AFF2: variants seen among roughly 807,000 people sequenced by gnomAD.
AFF2 encodes the protein AF4/FMR2 family member 2.
A neutral mutation model predicts 76.9 loss-of-function variants in AFF2; 14 were observed. That is an observed-to-expected ratio of 0.18 (90% CI 0.12 to 0.28). The LOEUF is 0.28. AFF2 is among the 10% of genes least tolerant of loss of function. AFF2 has a pLI of 1.00. For synonymous variants in AFF2, 398 were observed against 366.7 expected, an observed-to-expected ratio of 1.09 and a Z score of -0.98; for missense variants, 868 against 1,001.1, an observed-to-expected ratio of 0.87 and a Z score of 1.79.
chrX:148,908,885 G>A (rs1050277953), intron 9 of AFF2, among the ~76,000 whole-genome samples: 1 of 112,144 alleles, frequency 8.9e-6, no homozygotes, highest in East Asian at 2.8e-4. Context: ...TTTCCATATT[G>A]TCTGTGGCTG....
At chrX:148,679,731 A>G (rs1291766442) in intron 3 of AFF2, among the ~76,000 whole-genome samples, 2 of 111,675 alleles carry the variant, frequency 1.8e-5, no homozygotes, top group African/African-American at 6.5e-5. Context: ...CTGTTGAGGC[A>G]TTAGTGATGC....
At chrX:148,799,799 G>T (rs1292928422) in intron 3 of AFF2, among the ~76,000 whole-genome samples, 1 of 111,848 alleles carries the variant, frequency 8.9e-6, no homozygotes, top group Non-Finnish European at 1.9e-5. Context: ...TTAGCATAGC[G>T]CCTCATTAAT....
chrX:148,585,509 A>G (rs1027640187), intron 1 of AFF2, among the ~76,000 whole-genome samples: 36 of 111,668 alleles, frequency 3.2e-4, no homozygotes, highest in African/African-American at 1.1e-3. Flanking sequence ...TTATCATGCA[A>G]AAGCATGAGG....
At chrX:148,528,917 A>G (rs1481371666) in intron 1 of AFF2, among the ~76,000 whole-genome samples, 2 of 110,808 alleles carry the variant, frequency 1.8e-5, no homozygotes, top group African/African-American at 3.3e-5. Flanking sequence ...CATTCATACA[A>G]ATTTCTTTCA....
intron 8 of AFF2, among the ~76,000 whole-genome samples, chrX:148,900,395 G>A (rs959032074): frequency 1.2e-4 from 13 of 111,896 alleles, no homozygotes; most frequent in South Asian, 3.7e-4. Flanking sequence ...CAGGAACATA[G>A]GTTTAGCGAG....
At chrX:148,886,007 G>T in intron 8 of AFF2, 22 bp downstream of exon 8, 1 of 1,135,990 alleles carries the variant, frequency 8.8e-7, no homozygotes, top group Non-Finnish European at 1.2e-6. Context: ...TTAGGGCTTT[G>T]TTTTGGGATG....
intron 9 of AFF2, among the ~76,000 whole-genome samples, chrX:148,914,381 T>C (rs183450906): frequency 5.4e-5 from 6 of 111,863 alleles, no homozygotes; most frequent in African/African-American, 1.6e-4. Flanking sequence ...TGTGCCAGTA[T>C]ACCTAAAGCA....
intron 8 of AFF2, among the ~76,000 whole-genome samples, chrX:148,896,220 T>G (rs1427214981): frequency 8.9e-6 from 1 of 111,812 alleles, no homozygotes; most frequent in Admixed American, 9.5e-5. Context: ...AAGGGCACTA[T>G]CCTGAAGAGG....
chrX:148,597,967 A>T (rs1448139009), intron 1 of AFF2, among the ~76,000 whole-genome samples: 2 of 112,497 alleles, frequency 1.8e-5, no homozygotes, highest in East Asian at 2.8e-4. Flanking sequence ...TGGAAGGTGA[A>T]ATAATCAATT....
chrX:148,913,744 A>G (rs1557282221), intron 9 of AFF2, among the ~76,000 whole-genome samples: 1 of 112,145 alleles, frequency 8.9e-6, no homozygotes, highest in African/African-American at 3.2e-5. Flanking sequence ...TGTCCTTCTT[A>G]GTGTTTGCTG....
chrX:148,741,059 G>A (rs1471185267), intron 3 of AFF2, among the ~76,000 whole-genome samples: 1 of 111,799 alleles, frequency 8.9e-6, no homozygotes, highest in Non-Finnish European at 1.9e-5. Context: ...GTGATGGAGG[G>A]TGCAATGGAC....
chrX:148,762,560 T>TTTTG (rs2069465129), intron 3 of AFF2, among the ~76,000 whole-genome samples: 1 of 108,106 alleles, frequency 9.3e-6, no homozygotes, highest in Non-Finnish European at 1.9e-5. Context: ...TTGAGCTGGT[T>TTTTG]CCATATTTTT....
At chrX:148,571,855 C>T (rs1387547399) in intron 1 of AFF2, among the ~76,000 whole-genome samples, 1 of 110,955 alleles carries the variant, frequency 9.0e-6, no homozygotes, top group African/African-American at 3.3e-5. Context: ...TCTAGATCCA[C>T]CTACATATAG....
intron 9 of AFF2, among the ~76,000 whole-genome samples, chrX:148,947,780 G>T (rs2071918251): frequency 8.9e-6 from 1 of 112,300 alleles, no homozygotes; most frequent in Admixed American, 9.4e-5. Context: ...TCCTTTGCCT[G>T]AAGTTCATCT....
intron 3 of AFF2, among the ~76,000 whole-genome samples, chrX:148,744,803 C>T (rs781863509): frequency 8.1e-5 from 9 of 111,428 alleles, no homozygotes; most frequent in Admixed American, 1.9e-4. Context: ...TTTTCACAGA[C>T]GGATGGAGAG....
At chrX:148,990,837 G>T (rs1304847279) in intron 20 of AFF2, among the ~76,000 whole-genome samples, 2 of 112,380 alleles carry the variant, frequency 1.8e-5, no homozygotes, top group African/African-American at 6.5e-5. Context: ...AAAAGGAAAA[G>T]AGGATATTTT....
At chrX:148,706,632 A>G (rs1429180538) in intron 3 of AFF2, among the ~76,000 whole-genome samples, 1 of 112,484 alleles carries the variant, frequency 8.9e-6, no homozygotes, top group African/African-American at 3.2e-5. Context: ...AGCCCGCACC[A>G]GAATATAAGG....
chrX:148,542,789 G>C (rs189461792), intron 1 of AFF2, among the ~76,000 whole-genome samples: 1 of 112,046 alleles, frequency 8.9e-6, no homozygotes. Flanking sequence ...GGAGAAACTC[G>C]GTATGTATTG....
At chrX:148,835,455 G>C (rs2070509809) in intron 4 of AFF2, among the ~76,000 whole-genome samples, 1 of 105,577 alleles carries the variant, frequency 9.5e-6, no homozygotes, top group African/African-American at 3.5e-5. Context: ...ATTACATCAA[G>C]TTAATTTACA....
Sources: gnomAD v4.1 joint callset for allele counts (sites outside exome capture counted in the v4.1 genomes callset) on GRCh38, gnomAD v4.1.1 for gene constraint, MANE v1.5 for transcripts, NCBI Gene and HGNC (gene_info 2026-07-23, HGNC 2026-07-21) for gene names.